Variants in UNC79 observed in about 807,000 individuals in gnomAD.
UNC79 encodes protein unc-79 homolog.
Under a neutral mutation model 283.1 loss-of-function variants are expected in UNC79, and 37 were observed. The observed-to-expected ratio is 0.13, with a 90% CI of 0.10 to 0.17. The LOEUF (loss-of-function observed/expected upper bound fraction) is 0.17. Among genes scored for constraint, UNC79 ranks in the 10% least tolerant of loss-of-function variants. The probability of loss-of-function intolerance (pLI) is 1.00; values close to 1 mark genes in which losing one functional copy is unlikely to be tolerated. For synonymous variants in UNC79, 1,107 were observed against 1,200.2 expected (o/e 0.92, Z 1.61); for missense variants, 2,272 against 3,211.1 (o/e 0.71, Z 7.07).
At chr14:93,618,967 A>G (rs2066929014) in intron 29 of UNC79, among the ~76,000 whole-genome samples, 1 of 152,198 alleles carries the variant, frequency 6.6e-6, no homozygotes, top group Admixed American at 6.5e-5. Context: ...ACGAAGAACC[A>G]GGGTGTATAT....
chr14:93,443,424 CTT>C, intron 1 of UNC79, among the ~76,000 whole-genome samples: 1 of 138,862 alleles, frequency 7.2e-6, no homozygotes, highest in African/African-American at 2.7e-5. Context: ...TGTCTGACTT[CTT>C]TTTTTTTTTT....
At chr14:93,472,149 T>C (rs2057543300) in intron 2 of UNC79, among the ~76,000 whole-genome samples, 1 of 152,144 alleles carries the variant, frequency 6.6e-6, no homozygotes, top group East Asian at 1.9e-4. Context: ...TAGGTTAATT[T>C]AGGGCCGAAG....
chr14:93,412,938 C>T (rs530837700), intron 1 of UNC79, among the ~76,000 whole-genome samples: 4 of 152,020 alleles, frequency 2.6e-5, no homozygotes, highest in Admixed American at 6.6e-5. Context: ...AAAAAGAAAT[C>T]GTCTTAAGGT....
chr14:93,650,135 G>T lies in UNC79; in HGVS notation c.6083+3489G>T. On this transcript the variant is annotated intron_variant, in intron 35 of 48. Coordinates refer to ENST00000555664, the Ensembl canonical transcript of UNC79. ...GATGTTTTTGAGATTTATCCATGTT[G>T]CTGCTTTTTTATCAGGAGTTTGTTT... 1.3e-5 allele frequency among the ~76,000 whole-genome samples: 2 copies of T among 152,106 alleles called. 1 individual carries two copies. Among genetic ancestry groups the T allele is most frequent in the Non-Finnish European group, 2.9e-5 (2 of 67,988 alleles).
At chr14:93,593,219 T>C (rs143783645) in intron 22 of UNC79, among the ~76,000 whole-genome samples, 89 of 152,306 alleles carry the variant, frequency 5.8e-4, no homozygotes, top group African/African-American at 1.9e-3. Flanking sequence ...GGGAGCTTGA[T>C]TGATGACCTG....
intron 1 of UNC79, among the ~76,000 whole-genome samples, chr14:93,361,211 C>CAAAA (rs58267219): frequency 2.3e-3 from 124 of 54,358 alleles, no homozygotes; most frequent in Non-Finnish European, 2.6e-3. Flanking sequence ...GACTCTGTCT[C>CAAAA]AAAAAAAAAA....
intron 1 of UNC79, among the ~76,000 whole-genome samples, chr14:93,407,976 C>A (rs1395060800): frequency 1.3e-5 from 2 of 152,248 alleles, no homozygotes; most frequent in East Asian, 1.9e-4. Flanking sequence ...TAACTCTCAG[C>A]CAAATAAACA....
intron 34 of UNC79, among the ~76,000 whole-genome samples, chr14:93,644,843 G>T (rs1267012954): frequency 6.6e-6 from 1 of 152,098 alleles, no homozygotes; most frequent in Non-Finnish European, 1.5e-5. Context: ...AGTTTTTTTG[G>T]TAGTGTCCTT....
At chr14:93,589,264 G>T (rs970685863) in intron 22 of UNC79, among the ~76,000 whole-genome samples, 2 of 152,158 alleles carry the variant, frequency 1.3e-5, no homozygotes, top group African/African-American at 4.8e-5. Context: ...GGGGACCGGG[G>T]ACTGGTGATA....
intron 1 of UNC79, among the ~76,000 whole-genome samples, chr14:93,380,091 ATAAG>A (rs1409667921): frequency 2.0e-5 from 3 of 152,154 alleles, no homozygotes; most frequent in Non-Finnish European, 2.9e-5. Context: ...AAGACACAAC[ATAAG>A]TAAGGAAGCT....
At chr14:93,340,441 CAAAAAAAAA>C (rs1193751068) in intron 1 of UNC79, among the ~76,000 whole-genome samples, 1 of 64,448 alleles carries the variant, frequency 1.6e-5, no homozygotes, top group Non-Finnish European at 3.1e-5. Flanking sequence ...AACGCTGTCT[CAAAAAAAAA>C]AAAAAAAAAA....
chr14:93,563,565 G>A, intron 14 of UNC79, among the ~76,000 whole-genome samples: 1 of 152,052 alleles, frequency 6.6e-6, no homozygotes, highest in Non-Finnish European at 1.5e-5. Flanking sequence ...AGGTAGTGCA[G>A]CGGGGGCAGA....
exon 4 of UNC79, chr14:93,477,609 A>G (rs764444401): frequency 5.0e-6 from 8 of 1,611,146 alleles, no homozygotes; most frequent in African/African-American, 4.0e-5. Context: ...CCTTTTCTCA[A>G]TGATGATATT....
chr14:93,340,256 C>T (rs562934517), intron 1 of UNC79, among the ~76,000 whole-genome samples: 8 of 152,210 alleles, frequency 5.3e-5, no homozygotes, highest in Admixed American at 2.6e-4. Context: ...TCCTGGCTAA[C>T]GCGGTGAAAT....
chr14:93,659,737 C>T (rs1034830059), intron 39 of UNC79, among the ~76,000 whole-genome samples: 2 of 152,168 alleles, frequency 1.3e-5, no homozygotes, highest in Admixed American at 6.5e-5. Context: ...TCATCATCAT[C>T]GAAACAACAA....
At chr14:93,662,801 C>T (rs2071739802) in intron 40 of UNC79, 87 bp downstream of exon 43, 3 of 988,030 alleles carry the variant, frequency 3.0e-6, no homozygotes, top group Middle Eastern at 2.1e-4. Flanking sequence ...TCCCTTTTAG[C>T]TCAGTTGCTT....
chr14:93,606,217 T>C (rs2065881469), intron 26 of UNC79, among the ~76,000 whole-genome samples: 1 of 152,206 alleles, frequency 6.6e-6, no homozygotes, highest in Non-Finnish European at 1.5e-5. Flanking sequence ...GGAAAACATG[T>C]ACATGTGTTT....
intron 22 of UNC79, 149 bp downstream of exon 22, chr14:93,587,057 T>G (rs917107525): frequency 1.1e-6 from 1 of 935,336 alleles, no homozygotes; most frequent in African/African-American, 1.7e-5. Context: ...TTATTTTTCT[T>G]TTTTAGTCTA....
chr14:93,498,545 C>G (rs2059135135), intron 7 of UNC79, among the ~76,000 whole-genome samples: 1 of 151,702 alleles, frequency 6.6e-6, no homozygotes, highest in Non-Finnish European at 1.5e-5. Flanking sequence ...GAGCCGAGAT[C>G]AAGCCACTGC....
Sources: gnomAD v4.1 joint callset for allele counts (sites outside exome capture counted in the v4.1 genomes callset) on GRCh38, gnomAD v4.1.1 for gene constraint, MANE v1.5 for transcripts, NCBI Gene and HGNC (gene_info 2026-07-23, HGNC 2026-07-21) for gene names.